NXPE1: variants seen among roughly 807,000 people sequenced by gnomAD.
NXPE1 encodes the protein NXPE family member 1.
Under a neutral mutation model 33.3 loss-of-function variants are expected in NXPE1, and 31 were observed. The observed-to-expected ratio is 0.93, with a 90% confidence interval of 0.70 to 1.26. The LOEUF (loss-of-function observed/expected upper bound fraction) is 1.26. NXPE1 is among the 50% of genes most tolerant of loss of function. The pLI is 0.00. For missense variants in NXPE1, 661 were observed against 655.6 expected (o/e 1.01, Z -0.09); for synonymous variants, 229 against 231.4 (o/e 0.99, Z 0.09).
At chr11:114,538,535 T>C (rs1439850648) in intron 5 of NXPE1, among the ~76,000 whole-genome samples, 9 of 152,034 alleles carry the variant, frequency 5.9e-5, no homozygotes, top group Non-Finnish European at 8.8e-5. Flanking sequence ...ACTCATCTGA[T>C]AAAGGGCTAA....
intron 7 of NXPE1, among the ~76,000 whole-genome samples, chr11:114,527,460 T>C (rs1347672552): frequency 2.0e-5 from 3 of 152,160 alleles, no homozygotes; most frequent in Non-Finnish European, 2.9e-5. Flanking sequence ...ATAAAATTGG[T>C]AATTGCATCA....
At chr11:114,529,180 G>A (rs2134950885) in intron 6 of NXPE1, 1 of 192,266 alleles carries the variant, frequency 5.2e-6, no homozygotes, top group Non-Finnish European at 1.1e-5. Flanking sequence ...TCACCAAGCT[G>A]AGGAAAAATA....
downstream of NXPE1, among the ~76,000 whole-genome samples, chr11:114,519,373 G>A (rs972519571): frequency 6.6e-6 from 1 of 152,090 alleles, no homozygotes; most frequent in Non-Finnish European, 1.5e-5. Context: ...TAAAGAGATG[G>A]TAAAACCTCT....
At chr11:114,554,315 T>A in intron 1 of NXPE1, 1 of 984,648 alleles carries the variant, frequency 1.0e-6, no homozygotes, top group Non-Finnish European at 1.2e-6. Flanking sequence ...GTGCCATACC[T>A]CCTCCAGGTT....
At chr11:114,521,330 A>C (rs1350379916), downstream of NXPE1, among the ~76,000 whole-genome samples, 3 of 152,158 alleles carry the variant, frequency 2.0e-5, no homozygotes, top group Non-Finnish European at 4.4e-5. Context: ...TATGTATTTC[A>C]ATTAACTGCA....
intron 6 of NXPE1, chr11:114,529,817 C>G: frequency 4.7e-6 from 1 of 213,466 alleles, no homozygotes; most frequent in Non-Finnish European, 9.4e-6. Flanking sequence ...CAGCACTGTG[C>G]GTGGGGGGAA....
chr11:114,553,919 A>ATTTTTG lies in NXPE1; in HGVS notation c.-210-1045_-210-1040dup, dbSNP rs1555049638. The ATTTTTG allele has an allele frequency of 2.8e-4, 271 of 985,118 alleles. 3 individuals are homozygous for ATTTTTG. The African/African-American group carries it at 4.4e-3, about 16-fold the overall frequency. 61.0% of individuals were successfully genotyped at this position (985,118 alleles called of 1,614,324 possible). ...GAAGTCATCAAAGGCTATAAACAGGATTTTTGTTTTTGTTTTCTGGGAGAG... is the reference window on the plus strand; with the variant it reads ...GAAGTCATCAAAGGCTATAAACAGGATTTTTGTTTTTGTTTTTGTTTTCTGGGAGAG... On this transcript the variant is annotated intron_variant, in intron 1 of 8. Coordinates refer to ENST00000534921, the Ensembl canonical transcript of NXPE1.
intron 5 of NXPE1, among the ~76,000 whole-genome samples, chr11:114,535,763 A>C (rs1382387552): frequency 6.6e-6 from 1 of 152,218 alleles, no homozygotes; most frequent in East Asian, 1.9e-4. Context: ...CCAATACAGG[A>C]GCACCTAGAT....
At chr11:114,545,626 A>G (rs933418611) in intron 5 of NXPE1, among the ~76,000 whole-genome samples, 7 of 152,014 alleles carry the variant, frequency 4.6e-5, no homozygotes, top group South Asian at 4.2e-4. Flanking sequence ...ATTACTGTGT[A>G]TGATACTGTT....
chr11:114,532,774 A>G (rs1400967373), intron 5 of NXPE1, among the ~76,000 whole-genome samples: 7 of 152,316 alleles, frequency 4.6e-5, no homozygotes, highest in Non-Finnish European at 1.0e-4. Context: ...ATAAATATAT[A>G]CAGGTGTGTG....
exon 4 of NXPE1, chr11:114,551,402 G>A (rs79573337): frequency 2.2e-6 from 3 of 1,341,408 alleles, no homozygotes; most frequent in Non-Finnish European, 2.9e-6. Context: ...ACTTCTTGTC[G>A]AGGTTTCACT....
At chr11:114,559,848 T>A (rs1353566815) in exon 1 of NXPE1, 1 of 152,362 alleles carries the variant, frequency 6.6e-6, no homozygotes, top group Non-Finnish European at 1.5e-5. Flanking sequence ...ACCTGTGAGT[T>A]CTTAACTGGC....
chr11:114,521,321 A>G (rs555458737), downstream of NXPE1, among the ~76,000 whole-genome samples: 2 of 152,276 alleles, frequency 1.3e-5, no homozygotes, highest in Admixed American at 1.3e-4. Context: ...TTTATATATT[A>G]TGTATTTCAA....
At chr11:114,520,852 T>C (rs1417661032), downstream of NXPE1, among the ~76,000 whole-genome samples, 2 of 152,232 alleles carry the variant, frequency 1.3e-5, no homozygotes, top group African/African-American at 4.8e-5. Flanking sequence ...TAGGTGGTGT[T>C]GTATACTTTA....
rs908373999 is a variant in NXPE1, at chr11:114,538,109, C to T, written c.100-7201G>A. ...TAGACCAATGGAACAGAACAGAGCCCTCAGAAATAATGCCACATATCTACA... is the reference window on the plus strand; with the variant it reads ...TAGACCAATGGAACAGAACAGAGCCTTCAGAAATAATGCCACATATCTACA... On this transcript the variant is annotated intron_variant, in intron 5 of 8. Coordinates refer to ENST00000534921, the Ensembl canonical transcript of NXPE1. Among the ~76,000 whole-genome samples the T allele has an allele frequency of 2.5e-3, 383 of 152,202 alleles. 3 individuals are homozygous for T. The highest frequency in any genetic ancestry group is 9.1e-3 in the African/African-American group (376 of 41,494).
At chr11:114,521,225 G>A (rs1019230512), downstream of NXPE1, among the ~76,000 whole-genome samples, 3 of 151,988 alleles carry the variant, frequency 2.0e-5, no homozygotes, top group South Asian at 2.1e-4. Context: ...TCAAAATAAG[G>A]GTTTACCCAA....
intron 1 of NXPE1, among the ~76,000 whole-genome samples, chr11:114,555,426 C>T (rs538247620): frequency 7.1e-4 from 108 of 152,234 alleles, no homozygotes; most frequent in African/African-American, 2.5e-3. Flanking sequence ...AGAGTCTCAC[C>T]ATGTTGGCCA....
chr11:114,546,257 G>A (rs1043428626), intron 5 of NXPE1, among the ~76,000 whole-genome samples: 1 of 152,080 alleles, frequency 6.6e-6, no homozygotes, highest in Non-Finnish European at 1.5e-5. Context: ...GAACAAATAA[G>A]TAAATAAATA....
chr11:114,551,242 G>A (rs1948472003), intron 4 of NXPE1, 31 bp from the exon 5 acceptor site: 1 of 1,402,656 alleles, frequency 7.1e-7, no homozygotes, highest in Non-Finnish European at 9.7e-7. Flanking sequence ...GAGGAGTCGT[G>A]AGAAGTGAAT....
Sources: allele counts gnomAD v4.1 joint callset (sites outside exome capture counted in the v4.1 genomes callset), GRCh38; gene constraint gnomAD v4.1.1; transcripts MANE v1.5; gene names NCBI Gene and HGNC (gene_info 2026-07-23, HGNC 2026-07-21).